TMEM135: variants seen among roughly 807,000 people sequenced by gnomAD.
TMEM135 encodes the protein peroxisomal membrane protein 52.
TMEM135 carries 30 observed loss-of-function variants against 60.3 expected under a neutral mutation model. The observed-to-expected ratio is 0.50, with a 90% CI of 0.37 to 0.68. TMEM135 has a LOEUF of 0.68. Among genes scored for constraint, TMEM135 ranks in the 30% least tolerant of loss-of-function variants. The probability of loss-of-function intolerance (pLI) is 0.00; values close to 1 mark genes in which losing one functional copy is unlikely to be tolerated. For missense variants in TMEM135, 468 were observed against 548.8 expected, an observed-to-expected ratio of 0.85 and a Z score of 1.47; for synonymous variants, 190 against 186.7, an observed-to-expected ratio of 1.02 and a Z score of -0.14.
intron 5 of TMEM135, among the ~76,000 whole-genome samples, chr11:87,195,283 A>C (rs1348437975): frequency 6.6e-6 from 1 of 151,196 alleles, no homozygotes; most frequent in Non-Finnish European, 1.5e-5. Context: ...TAATTTGTAT[A>C]ATTGAAAAAG....
chr11:87,045,848 G>A (rs1949791041), intron 1 of TMEM135, among the ~76,000 whole-genome samples: 1 of 152,116 alleles, frequency 6.6e-6, no homozygotes, highest in Non-Finnish European at 1.5e-5. Flanking sequence ...TCTGAACCTA[G>A]ACTATTGGTA....
In TMEM135 at chr11:87,251,157, C is replaced by T. The variant is rs571150655; in HGVS notation, c.509+14473C>T. ...AAATAATGGGTAACAGTTGGGTATT[C>T]AGAGCTCAGGTGATAAATCTGGGTC... is the stretch of plus-strand genomic sequence containing the variant. On this transcript the variant is annotated intron_variant, in intron 6 of 14. Transcript: ENST00000305494. Among the ~76,000 whole-genome samples, 9 of 151,968 alleles carry T rather than the reference C, an allele frequency of 5.9e-5. No individual in the cohort carries two copies. The South Asian group carries it at 1.9e-3, about 32-fold the overall frequency.
chr11:87,111,521 G>C (rs1857746334), intron 4 of TMEM135, among the ~76,000 whole-genome samples: 1 of 151,600 alleles, frequency 6.6e-6, no homozygotes, highest in East Asian at 1.9e-4. Flanking sequence ...CGTGGTGGTG[G>C]GCGCCTGTAG....
intron 4 of TMEM135, among the ~76,000 whole-genome samples, chr11:87,128,517 A>G (rs1006503859): frequency 1.3e-5 from 2 of 152,198 alleles, no homozygotes; most frequent in African/African-American, 4.8e-5. Context: ...GTATGGTACC[A>G]TTAAGCAGGT....
At chr11:87,247,936 C>A (rs577354003) in intron 6 of TMEM135, among the ~76,000 whole-genome samples, 1 of 151,820 alleles carries the variant, frequency 6.6e-6, no homozygotes, top group Non-Finnish European at 1.5e-5. Context: ...AGAAATCACC[C>A]GTCTTCTGCG....
chr11:87,260,028 A>C (rs893301352), intron 6 of TMEM135, among the ~76,000 whole-genome samples: 2 of 152,208 alleles, frequency 1.3e-5, no homozygotes. Flanking sequence ...GTGACAGCTT[A>C]GGACCTCTGA....
rs1009101222 is a variant in TMEM135 at position 87,240,253 on chromosome 11, A to G, written c.509+3569A>G. On this transcript the variant is annotated intron_variant, in intron 6 of 14. Coordinates refer to ENST00000305494, the MANE Select transcript of TMEM135 (RefSeq NM_022918.4). The stretch of plus-strand genomic sequence containing the variant: ...AGGATGTTTTGAAAGAGCTTTTTGT[A>G]TAATCTTAGTGGGCATTCTTCATAA... Among the ~76,000 whole-genome samples the G allele has an allele frequency of 4.5e-4, 69 of 152,066 alleles. 2 individuals carry two copies. The highest frequency in any genetic ancestry group is 8.8e-5 in the Non-Finnish European group (6 of 67,986).
chr11:87,125,504 AGAT>A (rs1328678070), intron 4 of TMEM135, among the ~76,000 whole-genome samples: 1 of 152,226 alleles, frequency 6.6e-6, no homozygotes, highest in Non-Finnish European at 1.5e-5. Context: ...ACAGGTCCCA[AGAT>A]GACAACAAGT....
At chr11:87,070,696 T>C (rs1239390009) in intron 2 of TMEM135, among the ~76,000 whole-genome samples, 1 of 152,016 alleles carries the variant, frequency 6.6e-6, no homozygotes, top group South Asian at 2.1e-4. Context: ...TACTGGTCAT[T>C]TGTCATTTGT....
chr11:87,123,260 A>C (rs1937632878), intron 4 of TMEM135, among the ~76,000 whole-genome samples: 2 of 121,806 alleles, frequency 1.6e-5, no homozygotes, highest in African/African-American at 5.8e-5. Flanking sequence ...AGGTGTTGGC[A>C]GAGCTATGCT....
intron 5 of TMEM135, among the ~76,000 whole-genome samples, chr11:87,162,697 T>A (rs1468255280): frequency 6.6e-6 from 1 of 152,210 alleles, no homozygotes; most frequent in East Asian, 1.9e-4. Flanking sequence ...ACATGTGTCT[T>A]TATAGTAGAG....
chr11:87,302,591 A>G (rs1590858282), intron 8 of TMEM135, 149 bp downstream of exon 8: 2 of 949,618 alleles, frequency 2.1e-6, no homozygotes, highest in African/African-American at 3.3e-5. Flanking sequence ...AAGGCACACA[A>G]TGGCAAGTGA....
intron 4 of TMEM135, among the ~76,000 whole-genome samples, chr11:87,145,329 T>C (rs1938384365): frequency 6.6e-6 from 1 of 152,332 alleles, no homozygotes; most frequent in African/African-American, 2.4e-5. Flanking sequence ...CATTCATCTG[T>C]TGATGGACAC....
rs1230165915 is a variant in TMEM135 at position 87,321,389 on chromosome 11, G to C, written c.*56G>C. 1 of 1,597,284 alleles carries C rather than the reference G, an allele frequency of 6.3e-7. No individual in the cohort carries two copies. The highest frequency in any genetic ancestry group is 8.6e-7 in the Non-Finnish European group (1 of 1,165,732). Reference sequence around the variant, plus strand: ...TGTTTCATCTTGAAGAGTTAATTATGTTGAACACAAAGGAGGGGGCCCAAG... The same window carrying C: ...TGTTTCATCTTGAAGAGTTAATTATCTTGAACACAAAGGAGGGGGCCCAAG... On this transcript the variant is annotated 3_prime_UTR_variant, in exon 15 of 15. Coordinates refer to ENST00000305494, the MANE Select transcript of TMEM135 (RefSeq NM_022918.4).
chr11:87,232,703 AGGG>A (rs1276063911), intron 5 of TMEM135, among the ~76,000 whole-genome samples: 11 of 152,166 alleles, frequency 7.2e-5, no homozygotes, highest in African/African-American at 2.4e-5. Flanking sequence ...ACAAAGGTCG[AGGG>A]CAGAAATGGA....
chr11:87,226,424 C>T (rs1191735929), intron 5 of TMEM135, among the ~76,000 whole-genome samples: 2 of 152,106 alleles, frequency 1.3e-5, no homozygotes, highest in African/African-American at 2.4e-5. Context: ...ATATGTAAAT[C>T]TCTATCTGTA....
At chr11:87,088,717 T>C (rs1857146543) in intron 3 of TMEM135, among the ~76,000 whole-genome samples, 1 of 152,202 alleles carries the variant, frequency 6.6e-6, no homozygotes, top group Non-Finnish European at 1.5e-5. Flanking sequence ...TCTCCAAAGA[T>C]ATTAGAAACC....
intron 4 of TMEM135, among the ~76,000 whole-genome samples, chr11:87,125,362 G>C (rs1937695351): frequency 6.6e-6 from 1 of 152,180 alleles, no homozygotes; most frequent in African/African-American, 2.4e-5. Context: ...GTAGTTGTGG[G>C]GGAGTAGAGG....
At chr11:87,211,805 G>A (rs113493901) in intron 5 of TMEM135, among the ~76,000 whole-genome samples, 56 of 152,092 alleles carry the variant, frequency 3.7e-4, no homozygotes, top group African/African-American at 1.2e-3. Context: ...TTAGCTGGGC[G>A]TGGTGGCAGG....
Sources: allele counts gnomAD v4.1 joint callset (sites outside exome capture counted in the v4.1 genomes callset), GRCh38; gene constraint gnomAD v4.1.1; transcripts MANE v1.5; gene names NCBI Gene and HGNC (gene_info 2026-07-23, HGNC 2026-07-21).